CDH3: variants seen among roughly 807,000 people sequenced by gnomAD.
The protein encoded by CDH3 is cadherin-3.
Under a neutral mutation model 82.0 loss-of-function variants are expected in CDH3, and 54 were observed. The observed-to-expected ratio is 0.66, with a 90% CI of 0.53 to 0.83. The LOEUF is 0.83. Ranked by LOEUF, CDH3 falls within the 40% of genes least tolerant of loss-of-function variation. CDH3 has a pLI of 0.00. For synonymous variants in CDH3, 446 were observed against 437.9 expected (o/e 1.02, Z -0.23); for missense variants, 1,054 against 1,084.6 (o/e 0.97, Z 0.40).
In CDH3 at chr16:68,710,793, C is replaced by T. The variant is rs1326097984; in HGVS notation, c.100-11632C>T. 4.1e-5 allele frequency among the ~76,000 whole-genome samples: 6 copies of T among 148,008 alleles called. No homozygotes were observed. The East Asian group carries it at 1.2e-3, about 30-fold the overall frequency. On this transcript the variant is annotated intron_variant, in intron 1 of 2. Coordinates refer to the CDH3 transcript ENST00000569080. ...CCAGGAGGCAGAGGTTGCAGTGAGCCGAGATTGAGTGACTGCACTCCAGCC... is the reference window on the plus strand; with the variant it reads ...CCAGGAGGCAGAGGTTGCAGTGAGCTGAGATTGAGTGACTGCACTCCAGCC...
chr16:68,652,925 A>G (rs1386255043), intron 2 of CDH3, among the ~76,000 whole-genome samples: 2 of 152,222 alleles, frequency 1.3e-5, no homozygotes, highest in Non-Finnish European at 2.9e-5. Context: ...ACTATCCACA[A>G]TTCTGCTGTT....
At chr16:68,651,480 A>T (rs940685398) in intron 2 of CDH3, 1 of 514,290 alleles carries the variant, frequency 1.9e-6, no homozygotes, top group Non-Finnish European at 3.9e-6. Context: ...GCCGGCCTTC[A>T]TGGTGTTCTA....
At chr16:68,670,950 G>A (rs146048597) in intron 2 of CDH3, among the ~76,000 whole-genome samples, 16,645 of 152,092 alleles carry the variant, frequency 0.11, 947 homozygotes, top group Middle Eastern at 0.14. Flanking sequence ...GTGCACTCCT[G>A]TAGTCCCAGC....
At chr16:68,685,183 C>A (rs777797537) in intron 10 of CDH3, 22 bp from the exon 11 acceptor site, 3 of 1,613,472 alleles carry the variant, frequency 1.9e-6, no homozygotes, top group Non-Finnish European at 2.5e-6. Context: ...TGGATGTACT[C>A]GTCTCAACTT....
At chr16:68,660,979 A>G (rs1567440330) in intron 2 of CDH3, among the ~76,000 whole-genome samples, 1 of 151,946 alleles carries the variant, frequency 6.6e-6, no homozygotes, top group Non-Finnish European at 1.5e-5. Context: ...AAAAAAAAAA[A>G]AAAGAAGAAA....
At chr16:68,708,683 G>A (rs950338123) in intron 1 of CDH3, among the ~76,000 whole-genome samples, 5 of 148,086 alleles carry the variant, frequency 3.4e-5, no homozygotes, top group East Asian at 2.0e-4. Flanking sequence ...TCGCTCTGTC[G>A]CCCAGGCTGG....
downstream of CDH3, among the ~76,000 whole-genome samples, chr16:68,729,701 G>A (rs917632678): frequency 1.3e-5 from 2 of 151,958 alleles, no homozygotes; most frequent in Non-Finnish European, 2.9e-5. Context: ...GCGTGATCTC[G>A]GCTCACTGCA....
At chr16:68,645,997 A>C (rs1260993419) in intron 2 of CDH3, 16 of 540,200 alleles carry the variant, frequency 3.0e-5, no homozygotes, top group Non-Finnish European at 4.3e-5. Flanking sequence ...CCCTCCTCCG[A>C]GATGCCGGAT....
intron 2 of CDH3, among the ~76,000 whole-genome samples, chr16:68,658,068 T>C (rs956508914): frequency 1.8e-4 from 27 of 149,772 alleles, no homozygotes; most frequent in Non-Finnish European, 1.2e-4. Context: ...CTTTCTTTTT[T>C]TTTTTTTTTT....
intron 2 of CDH3, among the ~76,000 whole-genome samples, chr16:68,722,889 GT>G (rs1447695176): frequency 6.6e-6 from 1 of 151,976 alleles, no homozygotes; most frequent in East Asian, 1.9e-4. Context: ...TGCCTCCCAG[GT>G]TCCAGGGATT....
chr16:68,714,821 T>A (rs1210582370), intron 1 of CDH3, among the ~76,000 whole-genome samples: 1 of 151,908 alleles, frequency 6.6e-6, no homozygotes, highest in Non-Finnish European at 1.5e-5. Context: ...CTAGCCTGGG[T>A]CAACATAGCA....
In CDH3 at chr16:68,687,505, C is replaced by G. The variant is rs373529822; in HGVS notation, c.1571-7C>G. 6.4e-5 allele frequency: 104 copies of G among 1,612,828 alleles called. No individual in the cohort carries two copies. The highest frequency in any genetic ancestry group is 8.3e-5 in the Non-Finnish European group (98 of 1,179,004). Reference sequence around the variant, plus strand: ...AGGGAGCTCATCATATGTGTCATTACAAACAGGAAGCCCTCCCACCACTGG... The same window carrying G: ...AGGGAGCTCATCATATGTGTCATTAGAAACAGGAAGCCCTCCCACCACTGG... On this transcript the variant is annotated splice_region_variant and splice_polypyrimidine_tract_variant and intron_variant, in intron 11 of 15. Transcript: ENST00000264012.
At chr16:68,690,814 GGAGAATAGCTTGAA>G (rs1161830246) in intron 12 of CDH3, among the ~76,000 whole-genome samples, 4 of 151,376 alleles carry the variant, frequency 2.6e-5, no homozygotes, top group African/African-American at 9.7e-5. Context: ...GGCTGAGGCA[GGAGAATAGCTTGAA>G]CGTGGGAGGC....
Position 68,646,049 on chromosome 16 carries a change from C to A in CDH3, c.160+299C>A, listed in dbSNP as rs1050853954. 5 of 452,886 alleles carry A rather than the reference C, an allele frequency of 1.1e-5. No homozygotes were observed. In the Middle Eastern group the frequency reaches 1.8e-3, roughly 167 times the overall value. The allele number at this position is 452,886 out of a possible 1,614,324, so 28.1% of individuals were successfully genotyped here. On this transcript the variant is annotated intron_variant, in intron 2 of 15. Transcript: ENST00000264012. ...CAGTCTCGACGTGGGAAGTTCTCCC[C>A]CGCTGGCCCCAGCAGAGGAATGCGC...
chr16:68,730,884 G>A (rs1265370963), downstream of CDH3, among the ~76,000 whole-genome samples: 1 of 150,552 alleles, frequency 6.6e-6, no homozygotes, highest in Non-Finnish European at 1.5e-5. Context: ...GCCAGGTGTG[G>A]TGGTGCATGC....
chr16:68,720,192 C>G (rs1962144825), intron 1 of CDH3, among the ~76,000 whole-genome samples: 1 of 151,854 alleles, frequency 6.6e-6, no homozygotes, highest in African/African-American at 2.4e-5. Context: ...AACAAAAAAC[C>G]TCACAGAACT....
intron 2 of CDH3, among the ~76,000 whole-genome samples, chr16:68,673,160 A>C (rs1377019810): frequency 1.3e-5 from 2 of 152,218 alleles, no homozygotes; most frequent in Admixed American, 1.3e-4. Context: ...GGGTCTGTAC[A>C]TCACAGTGGA....
chr16:68,704,069 G>A (rs564303718), downstream of CDH3, among the ~76,000 whole-genome samples: 966 of 152,180 alleles, frequency 6.3e-3, 19 homozygotes, highest in African/African-American at 0.022. Flanking sequence ...GGCGGATCAC[G>A]AGGTCAGGAG....
the CDH3 span, among the ~76,000 whole-genome samples, chr16:68,733,342 C>T: frequency 6.6e-5 from 10 of 152,126 alleles, no homozygotes; most frequent in Non-Finnish European, 1.5e-4. Context: ...AGACTGGTCT[C>T]AAACTCCTGG....
Sources: gnomAD v4.1 joint callset for allele counts (sites outside exome capture counted in the v4.1 genomes callset) on GRCh38, gnomAD v4.1.1 for gene constraint, MANE v1.5 for transcripts, NCBI Gene and HGNC (gene_info 2026-07-23, HGNC 2026-07-21) for gene names.